PPP6R3: variants seen among roughly 807,000 people sequenced by gnomAD.
PPP6R3 encodes the protein serine/threonine-protein phosphatase 6 regulatory subunit 3.
In PPP6R3, 38 loss-of-function variants were observed where a neutral mutation model predicts 110.7. The observed-to-expected ratio is 0.34, with a 90% confidence interval of 0.26 to 0.45. The LOEUF (loss-of-function observed/expected upper bound fraction) is 0.45, where lower values mean the gene tolerates loss of function less well. Among genes scored for constraint, PPP6R3 ranks in the 20% least tolerant of loss-of-function variants. The pLI is 1.00. For synonymous variants in PPP6R3, 369 were observed against 373.5 expected, an observed-to-expected ratio of 0.99 and a Z score of 0.14; for missense variants, 870 against 1,062.4, an observed-to-expected ratio of 0.82 and a Z score of 2.52.
intron 14 of PPP6R3, among the ~76,000 whole-genome samples, chr11:68,581,821 T>G (rs2099555752): frequency 6.6e-6 from 1 of 152,218 alleles, no homozygotes. Context: ...CAGGCCAGAT[T>G]CACAAACAGA....
chr11:68,573,154 A>ATATATATATAT (rs35361909), intron 12 of PPP6R3, among the ~76,000 whole-genome samples: 440 of 73,792 alleles, frequency 6.0e-3, no homozygotes, highest in South Asian at 7.6e-3. Context: ...ATATATATAT[A>ATATATATATAT]ATTTTTTTTT....
intron 7 of PPP6R3, among the ~76,000 whole-genome samples, chr11:68,557,026 T>C (rs1311186946): frequency 1.3e-5 from 2 of 152,230 alleles, no homozygotes; most frequent in Non-Finnish European, 1.5e-5. Context: ...CTCTGATGAG[T>C]AAGAGCGCTA....
In PPP6R3 at chr11:68,475,644, C is replaced by T. The variant is rs567534791; in HGVS notation, c.-158+14817C>T. ...CTGGCCGGGTGGGGGCTGCCCCCCA[C>T]CTCCCTCCCGGACGGGGCGGCTGGC... On this transcript the variant is annotated intron_variant, in intron 1 of 23. Transcript: ENST00000393800. 3.4e-3 allele frequency among the ~76,000 whole-genome samples: 515 copies of T among 150,948 alleles called. 3 individuals are homozygous for T. The highest frequency in any genetic ancestry group is 0.012 in the African/African-American group (496 of 41,144).
chr11:68,585,756 T>C (rs184384842), intron 15 of PPP6R3, among the ~76,000 whole-genome samples: 16 of 152,334 alleles, frequency 1.1e-4, no homozygotes, highest in Non-Finnish European at 2.1e-4. Context: ...TGGAAGTTAC[T>C]AGTGTCTGTG....
intron 2 of PPP6R3, among the ~76,000 whole-genome samples, chr11:68,531,773 A>G (rs1454853426): frequency 6.6e-6 from 1 of 151,662 alleles, no homozygotes; most frequent in East Asian, 1.9e-4. Flanking sequence ...TTTCTTATTG[A>G]CTCTCTACAA....
At position 68,548,135 on chromosome 11, in the gene PPP6R3, T is replaced by C. The variant is rs2099356499; in HGVS notation, c.483T>C (p.Ala161=). ...TTATAAAGCACATAGGAACTTCTGC[T>C]ATCATGGATTTGTTGCTCAGGCTCC... The part of the protein sequence containing the change: ...DLIIKHIGTS[A]IMDLLLRLLT... The change falls in exon 5 of 24, where the codon GCT becomes GCC. Residue 161 remains alanine (A), a synonymous_variant. Transcript: ENST00000393800. 2 of 1,614,046 alleles carry C rather than the reference T, an allele frequency of 1.2e-6. No homozygotes were observed. The highest frequency in any genetic ancestry group is 1.3e-5 in the African/African-American group (1 of 74,944).
In PPP6R3 at chr11:68,614,996, G is replaced by T. The variant is rs189542273; in HGVS notation, c.*1879G>T. The T allele has an allele frequency of 3.6e-6, 2 of 550,740 alleles. No individual in the cohort carries two copies. The highest frequency in any genetic ancestry group is 3.7e-5 in the African/African-American group (2 of 53,512). 34.1% of individuals were successfully genotyped at this position (550,740 alleles called of 1,614,324 possible). On this transcript the variant is annotated 3_prime_UTR_variant, in exon 24 of 24. Transcript: ENST00000393800. ...CTGGTGGCTTCTCCATCCCACTGTG[G>T]CCTCTGTGGTATGGACCTGGTGGCT... is the stretch of plus-strand genomic sequence containing the variant.
At chr11:68,601,292 A>G (rs1295185999) in intron 20 of PPP6R3, among the ~76,000 whole-genome samples, 1 of 151,970 alleles carries the variant, frequency 6.6e-6, no homozygotes, top group Non-Finnish European at 1.5e-5. Flanking sequence ...GCTTCTCTTT[A>G]CCCTCTGTGT....
rs73516857 is a variant in PPP6R3, at chr11:68,474,876, A to G, written c.-158+14049A>G. 2.4e-3 allele frequency among the ~76,000 whole-genome samples: 367 copies of G among 152,152 alleles called. 3 individuals carry two copies. The highest frequency in any genetic ancestry group is 8.8e-3 in the African/African-American group (364 of 41,532). ...TTACTATCTTTTGCATCTCTATCAT[A>G]TTTGTAATCACTAATATTTAACTTC... is the stretch of plus-strand genomic sequence containing the variant. On this transcript the variant is annotated intron_variant, in intron 1 of 23. Transcript: ENST00000393800.
rs1408333885 is a variant in PPP6R3 at position 68,537,755 on chromosome 11, G to A, written c.91G>A (p.Glu31Lys). Reference sequence around the variant, plus strand: ...AACACTGAAGGAGTTAATGGATGAGGAAGATGTTTTACAGGAATGTAAAGC... The same window carrying A: ...AACACTGAAGGAGTTAATGGATGAGAAAGATGTTTTACAGGAATGTAAAGC... ...DVTLKELMDE[E>K]DVLQECKAQN... The change falls in exon 3 of 24, where the codon GAA becomes AAA. Residue 31 changes from glutamate (E) to lysine (K), a missense_variant. Transcript: ENST00000393800. 6.2e-7 allele frequency: 1 copy of A among 1,612,728 alleles called. No individual in the cohort carries two copies. Among genetic ancestry groups the A allele is most frequent in the Non-Finnish European group, 8.5e-7 (1 of 1,178,838 alleles).
chr11:68,515,633 G>T (rs1197772886), intron 1 of PPP6R3, among the ~76,000 whole-genome samples: 1 of 152,178 alleles, frequency 6.6e-6, no homozygotes, highest in African/African-American at 2.4e-5. Flanking sequence ...TGTGTCTTTC[G>T]AGATTATGAC....
chr11:68,536,040 C>T (rs938363857), intron 2 of PPP6R3, among the ~76,000 whole-genome samples: 7 of 152,100 alleles, frequency 4.6e-5, no homozygotes, highest in African/African-American at 1.7e-4. Flanking sequence ...GATCTCATTG[C>T]CTATCCTGTG....
At chr11:68,558,397 A>G (rs2099407326) in intron 7 of PPP6R3, 169 bp from the exon 8 acceptor site, 1 of 457,580 alleles carries the variant, frequency 2.2e-6, no homozygotes, top group Admixed American at 4.2e-5. Context: ...TGTAATTTAT[A>G]AATAGGATCA....
At chr11:68,576,659 G>C (rs1292176495) in intron 14 of PPP6R3, among the ~76,000 whole-genome samples, 1 of 152,058 alleles carries the variant, frequency 6.6e-6, no homozygotes, top group Non-Finnish European at 1.5e-5. Flanking sequence ...GCTTTTTTCT[G>C]CTTTTAAAGA....
chr11:68,573,154 A>ATATATATATATATATATATATATAT (rs35361909), intron 12 of PPP6R3, among the ~76,000 whole-genome samples: 3 of 74,312 alleles, frequency 4.0e-5, no homozygotes, highest in East Asian at 4.6e-4. Flanking sequence ...ATATATATAT[A>ATATATATATATATATATATATATAT]ATTTTTTTTT....
chr11:68,612,333 A>G (rs1309192178), intron 23 of PPP6R3, among the ~76,000 whole-genome samples: 2 of 152,208 alleles, frequency 1.3e-5, no homozygotes, highest in Admixed American at 1.3e-4. Context: ...TTCTAGCTGT[A>G]AATTGTGAAT....
At chr11:68,531,307 T>TTTATTTATTTATTTA (rs143892274) in intron 2 of PPP6R3, among the ~76,000 whole-genome samples, 1 of 136,952 alleles carries the variant, frequency 7.3e-6, no homozygotes, top group Non-Finnish European at 1.6e-5. Context: ...TGAGACTGTG[T>TTTATTTATTTATTTA]TTTATTTATT....
At chr11:68,545,735 A>G (rs1047051708) in intron 4 of PPP6R3, among the ~76,000 whole-genome samples, 1 of 152,242 alleles carries the variant, frequency 6.6e-6, no homozygotes, top group Non-Finnish European at 1.5e-5. Context: ...GGTTTTAGCA[A>G]GCCTTCCAGC....
chr11:68,500,953 C>T (rs577722983), intron 1 of PPP6R3, among the ~76,000 whole-genome samples: 2 of 152,170 alleles, frequency 1.3e-5, no homozygotes, highest in Admixed American at 6.5e-5. Flanking sequence ...GCACTTCCGC[C>T]GCCTTCCTTT....
Sources: allele counts gnomAD v4.1 joint callset (sites outside exome capture counted in the v4.1 genomes callset), GRCh38; gene constraint gnomAD v4.1.1; transcripts MANE v1.5; gene names NCBI Gene and HGNC (gene_info 2026-07-23, HGNC 2026-07-21).